Variants in ARHGAP35 observed in about 807,000 individuals in gnomAD.
The protein encoded by ARHGAP35 is Rho GTPase activating protein 35, also known as rho GTPase-activating protein 35.
ARHGAP35 carries 15 observed loss-of-function variants against 111.1 expected under a neutral mutation model. The observed-to-expected ratio is 0.13, with a 90% confidence interval of 0.09 to 0.21. The LOEUF (loss-of-function observed/expected upper bound fraction) is 0.21. ARHGAP35 is among the 10% of genes least tolerant of loss of function. ARHGAP35 has a pLI of 1.00. For synonymous variants in ARHGAP35, 643 were observed against 710.3 expected (o/e 0.91, Z 1.51); for missense variants, 1,262 against 1,873.0 (o/e 0.67, Z 6.02).
chr19:46,888,297 TATATATATATATATATATATAA>T (rs2056004730), intron 1 of ARHGAP35, among the ~76,000 whole-genome samples: 1 of 68,288 alleles, frequency 1.5e-5, no homozygotes, highest in Admixed American at 1.7e-4. Flanking sequence ...TATATATATA[TATATATATATATATATATATAA>T]AATATTGATT....
chr19:46,998,523 T>C (rs1302063509), intron 5 of ARHGAP35, among the ~76,000 whole-genome samples: 1 of 152,198 alleles, frequency 6.6e-6, no homozygotes, highest in African/African-American at 2.4e-5. Flanking sequence ...GCAAGCCCAG[T>C]GGCCACAGCT....
rs922841763 is a variant in ARHGAP35, at chr19:47,002,822, G to A, written c.*2134G>A. The A allele has an allele frequency of 6.6e-6, 1 of 152,270 alleles. No homozygotes were observed. The highest frequency in any genetic ancestry group is 1.5e-5 in the Non-Finnish European group (1 of 68,112). The allele number at this position is 152,270 out of a possible 1,614,324, so 9.4% of individuals were successfully genotyped here. ...CCACCTCTTTTGTGTGAGCACAAAA[G>A]CCACGTCCCAAGCCACCTGGCCCGA... On this transcript the variant is annotated 3_prime_UTR_variant, in exon 7 of 7. Coordinates refer to ENST00000672722, the MANE Select transcript of ARHGAP35 (RefSeq NM_004491.5).
At chr19:46,984,445 C>T (rs2056637958) in intron 3 of ARHGAP35, among the ~76,000 whole-genome samples, 2 of 152,182 alleles carry the variant, frequency 1.3e-5, no homozygotes, top group Non-Finnish European at 2.9e-5. Flanking sequence ...GCAAGCTGCC[C>T]GTGCTCTTTC....
At chr19:46,890,495 A>G (rs2056018469) in intron 1 of ARHGAP35, among the ~76,000 whole-genome samples, 1 of 152,262 alleles carries the variant, frequency 6.6e-6, no homozygotes, top group African/African-American at 2.4e-5. Context: ...GTAAGTGCTC[A>G]GAAATGGTAG....
chr19:46,979,021 G>T, intron 3 of ARHGAP35, among the ~76,000 whole-genome samples: 1 of 132,488 alleles, frequency 7.5e-6, no homozygotes, highest in East Asian at 2.3e-4. Flanking sequence ...GTGTGTGGTG[G>T]GGCAGGTGTG....
At position 46,888,314 on chromosome 19, in the gene ARHGAP35, AT is replaced by A. The variant is rs1568461148; in HGVS notation, c.-189+27106del. On this transcript the variant is annotated intron_variant, in intron 1 of 6. Transcript: ENST00000672722. ...TATATATATATATATATATATATAT[AT>A]ATAAAATATTGATTTTATACACACA... 7.5e-4 allele frequency among the ~76,000 whole-genome samples: 46 copies of A among 61,644 alleles called. 1 individual carries two copies. Among genetic ancestry groups the A allele is most frequent in the African/African-American group, 1.4e-3 (23 of 16,248 alleles). 40.4% of individuals were successfully genotyped at this position (61,644 alleles called of 152,430 possible).
In ARHGAP35 at chr19:46,922,221, G is replaced by A. The variant is rs1308248058; in HGVS notation, c.3546G>A (p.Glu1182=). 1 of 1,614,010 alleles carries A rather than the reference G, an allele frequency of 6.2e-7. No homozygotes were observed. The highest frequency in any genetic ancestry group is 8.5e-7 in the Non-Finnish European group (1 of 1,179,890). The change falls in exon 2 of 7, where the codon GAG becomes GAA. Residue 1182 remains glutamate, a synonymous_variant. Coordinates refer to ENST00000672722, the MANE Select transcript of ARHGAP35 (RefSeq NM_004491.5). The surrounding 1 kb of genome is among the most constrained non-coding windows in gnomAD (Gnocchi z 4.0). ...GCTTCAGCGTGGGGAGTGATGATGA[G>A]CTGGGGCCCATCCGGAAGAAAGAGG... ...RTSFSVGSDD[E]LGPIRKKEED...
rs956594166 is a variant in ARHGAP35 at position 46,955,174 on chromosome 19, A to G, written c.3826+17766A>G. 2.4e-4 allele frequency among the ~76,000 whole-genome samples: 36 copies of G among 152,342 alleles called. 1 individual carries two copies. The highest frequency in any genetic ancestry group is 2.3e-3 in the Admixed American group (35 of 15,302). ...AAAGACCCAGCCTGAGCAGAACTCA[A>G]TGTAACAGTCCTTGATTCTAAGCCG... On this transcript the variant is annotated intron_variant, in intron 3 of 6. Coordinates refer to ENST00000672722, the MANE Select transcript of ARHGAP35 (RefSeq NM_004491.5).
chr19:46,888,323 A>G (rs1378571064), intron 1 of ARHGAP35, among the ~76,000 whole-genome samples: 1 of 61,568 alleles, frequency 1.6e-5, no homozygotes, highest in Non-Finnish European at 3.2e-5. Context: ...TATATAAAAT[A>G]TTGATTTTAT....
At chr19:46,880,947 C>CTTT (rs1206653160) in intron 1 of ARHGAP35, among the ~76,000 whole-genome samples, 10 of 113,736 alleles carry the variant, frequency 8.8e-5, no homozygotes, top group Non-Finnish European at 1.3e-4. Context: ...AATGAATGTT[C>CTTT]TTTTTTTTTT....
chr19:46,910,264 C>G (rs2056130909), intron 1 of ARHGAP35, among the ~76,000 whole-genome samples: 1 of 151,982 alleles, frequency 6.6e-6, no homozygotes, highest in South Asian at 2.1e-4. Context: ...AGGCACATGC[C>G]ACCATGCCTG....
At chr19:46,969,924 A>C (rs1489012622) in intron 3 of ARHGAP35, among the ~76,000 whole-genome samples, 1 of 152,202 alleles carries the variant, frequency 6.6e-6, no homozygotes, top group Non-Finnish European at 1.5e-5. Context: ...GGACCCCTGC[A>C]CACACCACCA....
At chr19:46,935,862 A>C (rs1298617348) in intron 2 of ARHGAP35, among the ~76,000 whole-genome samples, 3 of 152,170 alleles carry the variant, frequency 2.0e-5, no homozygotes, top group African/African-American at 7.2e-5. Context: ...TAAGGTTCAA[A>C]ATAAAAAGAT....
rs28380639 is a variant in ARHGAP35, at chr19:46,920,123, A to G, written c.1448A>G (p.Gln483Arg). 6.2e-7 allele frequency: 1 copy of G among 1,614,006 alleles called. No homozygotes were observed. Among genetic ancestry groups the G allele is most frequent in the Middle Eastern group, 1.6e-4 (1 of 6,062 alleles). ...YMDIYGKHQK[Q>R]IIDKAKEEFQ... ...GATATTTATGGCAAACACCAAAAGC[A>G]AATTATAGATAAAGCAAAGGAAGAA... Residue 483 changes from glutamine to arginine, a missense_variant, in exon 2 of 7, where the codon CAA (glutamine) becomes CGA (arginine). Coordinates refer to ENST00000672722, the MANE Select transcript of ARHGAP35 (RefSeq NM_004491.5). This position sits in a 1 kb window ranked among gnomAD's most constrained non-coding sequence, Gnocchi z 7.0.
chr19:46,988,441 T>TAA lies in ARHGAP35; in HGVS notation c.3904+375_3904+376insAA. ...AGTCGGGTTGAGATGTGATCCTGTT[T>TAA]TGCCAGGGCCTCAGATCTACCCTCC... On this transcript the variant is annotated intron_variant, in intron 4 of 6. Coordinates refer to ENST00000672722, the MANE Select transcript of ARHGAP35 (RefSeq NM_004491.5). This position sits in a 1 kb window ranked among gnomAD's most constrained non-coding sequence, Gnocchi z 5.4. 1.3e-4 allele frequency: 29 copies of TAA among 229,326 alleles called. No homozygotes were observed. The East Asian group carries it at 1.7e-3, about 14-fold the overall frequency. 14.2% of individuals were successfully genotyped at this position (229,326 alleles called of 1,614,324 possible).
intron 1 of ARHGAP35, among the ~76,000 whole-genome samples, chr19:46,886,390 G>A (rs893886927): frequency 2.0e-5 from 3 of 149,154 alleles, no homozygotes; most frequent in Non-Finnish European, 3.0e-5. Flanking sequence ...CGTAAGGGAG[G>A]TTTTTTTTTT....
At position 46,918,904 on chromosome 19, in the gene ARHGAP35, G is replaced by T. The variant is rs2056179688; in HGVS notation, c.229G>T (p.Gly77Ter). 1 of 1,613,830 alleles carries T rather than the reference G, an allele frequency of 6.2e-7. No individual in the cohort carries two copies. Among genetic ancestry groups the T allele is most frequent in the African/African-American group, 1.3e-5 (1 of 74,890 alleles). Reference protein sequence around the residue: ...VVNNDHFLYWGEVSRSLEDCV... With the variant: ...VVNNDHFLYW ...CAATAATGACCACTTTCTCTACTGG[G>T]GAGAAGTTAGCCGCTCCCTGGAGGA... Residue 77 changes from glycine to a stop codon, truncating the protein, a stop_gained, in exon 2 of 7, where the codon GGA becomes TGA. Transcript: ENST00000672722. LOFTEE classifies it high-confidence loss of function. This position sits in a 1 kb window ranked among gnomAD's most constrained non-coding sequence, Gnocchi z 5.4.
chr19:46,930,387 G>A (rs1232379711), intron 2 of ARHGAP35, among the ~76,000 whole-genome samples: 3 of 147,428 alleles, frequency 2.0e-5, no homozygotes, highest in Non-Finnish European at 4.5e-5. Flanking sequence ...ACCGAGTTCC[G>A]ATGCCTGGTT....
chr19:46,977,304 A>C (rs544568151), intron 3 of ARHGAP35, among the ~76,000 whole-genome samples: 3 of 152,222 alleles, frequency 2.0e-5, no homozygotes, highest in South Asian at 2.1e-4. Flanking sequence ...GTTACCGGGA[A>C]GAAGGGGAGG....
Sources: allele counts gnomAD v4.1 joint callset (sites outside exome capture counted in the v4.1 genomes callset), GRCh38; gene constraint gnomAD v4.1.1; non-coding constraint Gnocchi (gnomAD v3.1); transcripts MANE v1.5; gene names NCBI Gene and HGNC (gene_info 2026-07-23, HGNC 2026-07-21).